Variants in CUBN observed in about 807,000 individuals in gnomAD.
CUBN encodes the protein cubilin, also known as 460 kDa receptor.
Under a neutral mutation model 405.3 loss-of-function variants are expected in CUBN, and 282 were observed. That is an observed-to-expected ratio of 0.70 (90% CI 0.63 to 0.77). The LOEUF is 0.77. Ranked by LOEUF, CUBN falls within the 30% of genes least tolerant of loss-of-function variation. The pLI, the probability that CUBN is intolerant of heterozygous loss-of-function variation, is 0.00. For synonymous variants in CUBN, 1,684 were observed against 1,617.0 expected, an observed-to-expected ratio of 1.04 and a Z score of -0.99; for missense variants, 4,514 against 4,475.2, an observed-to-expected ratio of 1.01 and a Z score of -0.25.
chr10:16,920,091 A>G lies in CUBN; in HGVS notation c.6693T>C (p.Tyr2231=). 2 of 1,614,038 alleles carry G rather than the reference A, an allele frequency of 1.2e-6. No individual in the cohort carries two copies. Among genetic ancestry groups the G allele is most frequent in the Non-Finnish European group, 1.7e-6 (2 of 1,179,968 alleles). ...TATGAGGGTGGTTGGGGGAGGTCAC[A>G]TACCCAGCAGAATCAGCATCATGGA... ...VYIHDADSAG[Y]VTSPNHPHNY... is the part of the protein sequence containing the mutation. Residue 2231 remains tyrosine, a synonymous_variant, in exon 44 of 67, where the codon TAT becomes TAC. Transcript: ENST00000377833.
chr10:17,111,176 T>G (rs1836764294), intron 8 of CUBN, 126 bp from the exon 9 acceptor site: 7 of 1,113,482 alleles, frequency 6.3e-6, no homozygotes, highest in Non-Finnish European at 9.1e-6. Flanking sequence ...GAGATATGCT[T>G]ATCAGATTGG....
intron 16 of CUBN, among the ~76,000 whole-genome samples, chr10:17,084,898 G>C (rs368790130): frequency 4.6e-4 from 70 of 152,286 alleles, no homozygotes; most frequent in African/African-American, 1.7e-3. Flanking sequence ...ATTGAAAGGG[G>C]AACAGGAGGT....
chr10:16,976,356 G>C (rs1487886617), intron 31 of CUBN, among the ~76,000 whole-genome samples: 1 of 151,930 alleles, frequency 6.6e-6, no homozygotes, highest in African/African-American at 2.4e-5. Context: ...GAATATATCA[G>C]TCTATTGTCT....
intron 28 of CUBN, among the ~76,000 whole-genome samples, chr10:17,001,502 C>A (rs369192931): frequency 6.6e-6 from 1 of 152,222 alleles, no homozygotes; most frequent in Non-Finnish European, 1.5e-5. Flanking sequence ...AGAGCGCCGA[C>A]TGGCGCATTT....
intron 34 of CUBN, 89 bp downstream of exon 34, chr10:16,949,912 G>A: frequency 1.0e-6 from 1 of 955,526 alleles, no homozygotes; most frequent in Non-Finnish European, 1.7e-6. Context: ...TGGAAACATT[G>A]CAACCTAGAA....
chr10:17,068,663 C>G lies in CUBN; in HGVS notation c.2733G>C (p.Val911=). ...SVYNFLYVTF[V]KSSSTENHGF... ...CATGGTTTTCAGTAGAAGAACTTTT[C>G]ACGAATGTGACATAAAGAAAATTGT... The change falls in exon 20 of 67, where the codon GTG becomes GTC. Residue 911 remains valine, a synonymous_variant. Transcript: ENST00000377833. The G allele has an allele frequency of 6.2e-7, 1 of 1,613,066 alleles. No homozygotes were observed. The highest frequency in any genetic ancestry group is 8.5e-7 in the Non-Finnish European group (1 of 1,179,368).
At position 17,100,156 on chromosome 10, in the gene CUBN, A is replaced by C; in HGVS notation, c.1614T>G (p.Asp538Glu). 1 of 1,614,002 alleles carries C rather than the reference A, an allele frequency of 6.2e-7. No individual in the cohort carries two copies. Among genetic ancestry groups the C allele is most frequent in the Non-Finnish European group, 8.5e-7 (1 of 1,179,880 alleles). Residue 538 changes from aspartate to glutamate, a missense_variant, in exon 14 of 67, where the codon GAT (aspartate) becomes GAG (glutamate). Physicochemically the swap from Asp to Glu is conservative, Grantham distance 45. Transcript: ENST00000377833. Reference protein sequence around the residue: ...PHEFLQVYDGDSSSAFQLGRF... With the variant: ...PHEFLQVYDGESSSAFQLGRF... ...TTCCAAGTTGAAAAGCAGAAGAGGAATCTCCATCATAAACCTGAAGAAACT... is the reference window on the plus strand; with the variant it reads ...TTCCAAGTTGAAAAGCAGAAGAGGACTCTCCATCATAAACCTGAAGAAACT...
intron 15 of CUBN, 49 bp downstream of exon 15, chr10:17,088,115 T>C: frequency 1.4e-6 from 2 of 1,473,420 alleles, no homozygotes; most frequent in Non-Finnish European, 9.5e-7. Flanking sequence ...CATAGTGCCC[T>C]GAGTCCTAAT....
chr10:16,873,636 C>T (rs1469879796), intron 58 of CUBN, among the ~76,000 whole-genome samples: 2 of 150,548 alleles, frequency 1.3e-5, no homozygotes, highest in Admixed American at 1.3e-4. Context: ...GTAGGAGAAT[C>T]TCTTGAACCT....
At chr10:17,077,523 A>G (rs546028525) in intron 17 of CUBN, among the ~76,000 whole-genome samples, 1 of 152,346 alleles carries the variant, frequency 6.6e-6, no homozygotes, top group African/African-American at 2.4e-5. Flanking sequence ...GTTTTATACT[A>G]TAATTTCTAA....
At chr10:16,873,874 T>G (rs983887657) in intron 58 of CUBN, among the ~76,000 whole-genome samples, 1 of 152,228 alleles carries the variant, frequency 6.6e-6, no homozygotes, top group South Asian at 2.1e-4. Flanking sequence ...AATTTGATCC[T>G]TCTGAGCCTC....
chr10:16,966,117 T>A (rs566259963), intron 31 of CUBN: 1 of 398,842 alleles, frequency 2.5e-6, no homozygotes, highest in Admixed American at 3.1e-5. Flanking sequence ...GAGTCCCCCA[T>A]CCTTTGCATC....
intron 62 of CUBN, among the ~76,000 whole-genome samples, chr10:16,838,328 C>T (rs1839235727): frequency 6.6e-6 from 1 of 152,164 alleles, no homozygotes. Context: ...CTCTACTAGT[C>T]CAGCATATGG....
intron 25 of CUBN, among the ~76,000 whole-genome samples, chr10:17,044,540 G>A (rs1354267443): frequency 6.6e-6 from 1 of 151,816 alleles, no homozygotes; most frequent in Non-Finnish European, 1.5e-5. Flanking sequence ...TGTCCTCCTT[G>A]TTTTTTGATT....
chr10:16,836,270 C>T lies in CUBN; in HGVS notation c.10145G>A (p.Arg3382Lys), dbSNP rs1839164284. 1 of 1,613,888 alleles carries T rather than the reference C, an allele frequency of 6.2e-7. No homozygotes were observed. Among genetic ancestry groups the T allele is most frequent in the African/African-American group, 1.3e-5 (1 of 74,920 alleles). The change falls in exon 63 of 67, where the codon AGA (arginine) becomes AAA (lysine). Residue 3382 changes from arginine to lysine, a missense_variant. By Grantham distance (26) the Arg-to-Lys change is conservative. Around this residue, in one of 5 missense-constraint regions of CUBN, gnomAD observed 1,186 missense variants for 1,186.9 expected, o/e 1.00. Transcript: ENST00000377833. ...ATAGGTGAAACTCATTCTAGAGTTTCTGTTTACAACTCCAGATTTGAAAAT... is the reference window on the plus strand; with the variant it reads ...ATAGGTGAAACTCATTCTAGAGTTTTTGTTTACAACTCCAGATTTGAAAAT... Reference protein sequence around the residue: ...MVIFKSGVVNRNSRMSFTYQI... With the variant: ...MVIFKSGVVNKNSRMSFTYQI...
chr10:17,059,415 A>G (rs909422006), intron 22 of CUBN, among the ~76,000 whole-genome samples: 2 of 152,224 alleles, frequency 1.3e-5, no homozygotes, highest in Non-Finnish European at 2.9e-5. Flanking sequence ...GGGAGACTCT[A>G]GATTATGGGG....
chr10:17,006,011 A>G (rs1834012931), intron 28 of CUBN, among the ~76,000 whole-genome samples: 1 of 152,186 alleles, frequency 6.6e-6, no homozygotes, highest in Non-Finnish European at 1.5e-5. Flanking sequence ...GACACAGGGA[A>G]AAGGCAGCAT....
chr10:16,893,653 T>G (rs945861003), intron 54 of CUBN, among the ~76,000 whole-genome samples: 1 of 152,200 alleles, frequency 6.6e-6, no homozygotes, highest in African/African-American at 2.4e-5. Flanking sequence ...CTTTTTTCAC[T>G]TGGCATAATC....
At chr10:16,854,576 A>G (rs1007878400) in intron 59 of CUBN, among the ~76,000 whole-genome samples, 1 of 152,294 alleles carries the variant, frequency 6.6e-6, no homozygotes, top group Non-Finnish European at 1.5e-5. Context: ...AGGAGCACTG[A>G]AGAGTTGGAG....
Sources: allele counts gnomAD v4.1 joint callset (sites outside exome capture counted in the v4.1 genomes callset), GRCh38; gene constraint gnomAD v4.1.1; regional missense constraint gnomAD v4.1.1; transcripts MANE v1.5; gene names NCBI Gene and HGNC (gene_info 2026-07-23, HGNC 2026-07-21).